The following PAG1 variants were observed in gnomAD, a reference collection of about 807,000 sequenced individuals.
PAG1 encodes phosphoprotein membrane anchor with glycosphingolipid microdomains 1.
Under a neutral mutation model 31.7 loss-of-function variants are expected in PAG1, and 23 were observed. That is an observed-to-expected ratio of 0.73 (90% CI 0.52 to 1.03). PAG1 has a LOEUF of 1.03. Ranked by LOEUF, PAG1 falls within the 50% of genes least tolerant of loss-of-function variation. The pLI is 0.00. For synonymous variants in PAG1, 214 were observed against 210.3 expected (o/e 1.02, Z -0.15); for missense variants, 473 against 540.7 (o/e 0.87, Z 1.24).
intron 1 of PAG1, among the ~76,000 whole-genome samples, chr8:81,073,139 G>A (rs1360194061): frequency 3.9e-5 from 6 of 152,240 alleles, no homozygotes; most frequent in African/African-American, 1.4e-4. Context: ...TTGTCCTGTG[G>A]TTGTTTTCAT....
chr8:81,070,919 G>A (rs185214706), intron 1 of PAG1, among the ~76,000 whole-genome samples: 21 of 152,300 alleles, frequency 1.4e-4, no homozygotes, highest in Admixed American at 6.5e-4. Context: ...CTAAGTGGAA[G>A]TAAAAAGCAT....
At chr8:81,014,828 C>T (rs1808045633) in intron 3 of PAG1, among the ~76,000 whole-genome samples, 1 of 152,104 alleles carries the variant, frequency 6.6e-6, no homozygotes, top group Admixed American at 6.6e-5. Context: ...GTACAGTGGA[C>T]ATTCAGTGTT....
chr8:81,023,866 T>C (rs911555810), intron 3 of PAG1, among the ~76,000 whole-genome samples: 1 of 152,222 alleles, frequency 6.6e-6, no homozygotes, highest in African/African-American at 2.4e-5. Context: ...AAACATTATC[T>C]ACACCATGAA....
At chr8:81,035,936 TA>T (rs1190785562) in intron 2 of PAG1, among the ~76,000 whole-genome samples, 1 of 152,168 alleles carries the variant, frequency 6.6e-6, no homozygotes, top group East Asian at 1.9e-4. Context: ...TATAAACACA[TA>T]TTAACACATG....
rs962393684 is a variant in PAG1 at position 80,976,409 on chromosome 8, C to T, written c.*135G>A. On this transcript the variant is annotated 3_prime_UTR_variant, in exon 9 of 9. Transcript: ENST00000220597. ...GAAACTGAACAACTGGGAGAACAGTCGACAGGGCCTCTCCAACCATCTTCA... is the reference window on the plus strand; with the variant it reads ...GAAACTGAACAACTGGGAGAACAGTTGACAGGGCCTCTCCAACCATCTTCA... 13 of 863,416 alleles carry T rather than the reference C, an allele frequency of 1.5e-5. No individual in the cohort carries two copies. Among genetic ancestry groups the T allele is most frequent in the East Asian group, 1.0e-4 (4 of 39,750 alleles). The allele number at this position is 863,416 out of a possible 1,614,324, so 53.5% of individuals were successfully genotyped here. A position where few individuals can be genotyped will look rare whatever the true frequency, so the allele number is the denominator to read the frequency against.
intron 1 of PAG1, among the ~76,000 whole-genome samples, chr8:81,089,885 A>G (rs1019429219): frequency 6.6e-6 from 1 of 152,194 alleles, no homozygotes; most frequent in African/African-American, 2.4e-5. Flanking sequence ...GTGAAGGAAG[A>G]TGTTGATTGA....
chr8:81,057,703 C>G lies in PAG1; in HGVS notation c.-175+12409G>C, dbSNP rs567573567. ...CACGTTGTGCACATGTACCCTAGGA[C>G]TTAAAGTATAATAAAAAAAATAACT... On this transcript the variant is annotated intron_variant, in intron 2 of 8. Transcript: ENST00000220597. 7.9e-5 allele frequency among the ~76,000 whole-genome samples: 12 copies of G among 152,036 alleles called. No individual in the cohort carries two copies. In the East Asian group the frequency reaches 2.3e-3, roughly 29 times the overall value.
Position 81,087,341 on chromosome 8 carries a change from CAAAAAAAA to C in PAG1, c.-233-17179_-233-17172del, listed in dbSNP as rs34830995. 4.1e-5 allele frequency among the ~76,000 whole-genome samples: 4 copies of C among 98,294 alleles called. No homozygotes were observed. In the South Asian group the frequency reaches 1.0e-3, roughly 25 times the overall value. The allele number at this position is 98,294 out of a possible 152,430, so 64.5% of individuals were successfully genotyped here. A position where few individuals can be genotyped will look rare whatever the true frequency, so the allele number is the denominator to read the frequency against. On this transcript the variant is annotated intron_variant, in intron 1 of 8. Transcript: ENST00000220597. ...CTGGGCAACAGATGAGACTCTGTCT[CAAAAAAAA>C]AAAAAAAAAAAGAATTTTAGAAGCA...
chr8:81,100,457 T>A (rs2131106401), intron 1 of PAG1, among the ~76,000 whole-genome samples: 1 of 152,354 alleles, frequency 6.6e-6, no homozygotes, highest in East Asian at 1.9e-4. Context: ...TGGGGAGGGC[T>A]ATTTTGTGCA....
chr8:80,984,756 A>G lies in PAG1; in HGVS notation c.876+20T>C, dbSNP rs1466434560. 1 of 1,605,180 alleles carries G rather than the reference A, an allele frequency of 6.2e-7. No individual in the cohort carries two copies. The highest frequency in any genetic ancestry group is 1.7e-5 in the Admixed American group (1 of 59,078). On this transcript the variant is annotated intron_variant, in intron 7 of 8. Transcript: ENST00000220597. ...CAGAACAGGAACCCACAAAGACAAA[A>G]CAAAAACGCCAGTGCCCACCTTGTT... is the stretch of plus-strand genomic sequence containing the variant.
chr8:81,010,083 C>G (rs1374899339), intron 3 of PAG1, among the ~76,000 whole-genome samples: 2 of 152,198 alleles, frequency 1.3e-5, no homozygotes, highest in Admixed American at 6.5e-5. Context: ...TTTCTAAACT[C>G]TTAACTAGCA....
intron 2 of PAG1, chr8:81,058,405 C>T (rs1270923939): frequency 6.6e-6 from 1 of 152,242 alleles, no homozygotes; most frequent in Non-Finnish European, 1.5e-5. Context: ...TCTTTCTTAA[C>T]ATCCCCACTT....
chr8:81,111,880 C>T lies in PAG1; in HGVS notation c.-523G>A, dbSNP rs1376879850. 1 of 152,230 alleles carries T rather than the reference C, an allele frequency of 6.6e-6. No homozygotes were observed. Among genetic ancestry groups the T allele is most frequent in the Non-Finnish European group, 1.5e-5 (1 of 68,074 alleles). The allele number at this position is 152,230 out of a possible 1,614,324, so 9.4% of individuals were successfully genotyped here. On this transcript the variant is annotated 5_prime_UTR_variant, in exon 1 of 9. Coordinates refer to ENST00000220597, the MANE Select transcript of PAG1 (RefSeq NM_018440.4). ...GCCCCGGAGCGCGGCGCTCCGAGCC[C>T]CTGGTGGGTGTCTCTGGCTCCAAGG...
chr8:81,050,912 G>T (rs148072411), intron 2 of PAG1, among the ~76,000 whole-genome samples: 24 of 152,320 alleles, frequency 1.6e-4, no homozygotes, highest in African/African-American at 5.5e-4. Flanking sequence ...CAGTCTTACA[G>T]AATTGAACAA....
chr8:81,095,152 A>T (rs1032485032), intron 1 of PAG1, among the ~76,000 whole-genome samples: 11 of 152,320 alleles, frequency 7.2e-5, no homozygotes, highest in African/African-American at 2.6e-4. Context: ...TTGGCATTTT[A>T]AAAAAGCATT....
chr8:81,028,399 A>G (rs1403208449), intron 3 of PAG1, among the ~76,000 whole-genome samples: 1 of 152,242 alleles, frequency 6.6e-6, no homozygotes, highest in Non-Finnish European at 1.5e-5. Context: ...GTGAACCACC[A>G]GATGACGTAC....
intron 5 of PAG1, among the ~76,000 whole-genome samples, chr8:80,988,446 C>A (rs1035523071): frequency 6.6e-6 from 1 of 152,166 alleles, no homozygotes; most frequent in Non-Finnish European, 1.5e-5. Flanking sequence ...ATTAGCTCTG[C>A]AAACTTTTTA....
chr8:81,003,395 C>T (rs1807822218), intron 3 of PAG1, among the ~76,000 whole-genome samples: 1 of 152,170 alleles, frequency 6.6e-6, no homozygotes. Context: ...AGCCGGATCC[C>T]TGGAGCTGGA....
chr8:81,077,064 T>C (rs1241596241), intron 1 of PAG1, among the ~76,000 whole-genome samples: 1 of 152,224 alleles, frequency 6.6e-6, no homozygotes, highest in Non-Finnish European at 1.5e-5. Context: ...AATGGAAGCT[T>C]GAGCTTAGAA....
Sources: gnomAD v4.1 joint callset for allele counts (sites outside exome capture counted in the v4.1 genomes callset) on GRCh38, gnomAD v4.1.1 for gene constraint, MANE v1.5 for transcripts, NCBI Gene and HGNC (gene_info 2026-07-23, HGNC 2026-07-21) for gene names.